The following PTPRD variants were observed in gnomAD, a reference collection of about 807,000 sequenced individuals.
The protein encoded by PTPRD is protein tyrosine phosphatase receptor type D, also known as receptor-type tyrosine-protein phosphatase delta.
Under a neutral mutation model 214.5 loss-of-function variants are expected in PTPRD, and 34 were observed. The ratio of observed to expected loss-of-function variants is 0.16; its 90% CI spans 0.12 to 0.21. The LOEUF is 0.21. Among genes scored for constraint, PTPRD ranks in the 10% least tolerant of loss-of-function variants. The probability of loss-of-function intolerance (pLI) is 1.00; values close to 1 mark genes in which losing one functional copy is unlikely to be tolerated. For synonymous variants in PTPRD, 1,128 were observed against 845.7 expected (o/e 1.33, Z -5.79); for missense variants, 2,545 against 2,398.7 (o/e 1.06, Z -1.27).
At chr9:9,675,507 G>C (rs1038362505) in intron 7 of PTPRD, among the ~76,000 whole-genome samples, 8 of 151,606 alleles carry the variant, frequency 5.3e-5, no homozygotes, top group Admixed American at 5.3e-4. Flanking sequence ...AAAAAGGTCA[G>C]ATTTTAAAAG....
chr9:10,549,385 A>C (rs900638879), intron 2 of PTPRD, among the ~76,000 whole-genome samples: 2 of 152,210 alleles, frequency 1.3e-5, no homozygotes, highest in South Asian at 4.1e-4. Context: ...AAAAAAGGAA[A>C]GGGGAAAGTT....
intron 2 of PTPRD, among the ~76,000 whole-genome samples, chr9:10,545,698 A>C (rs899071619): frequency 2.0e-5 from 3 of 152,190 alleles, no homozygotes; most frequent in Non-Finnish European, 2.9e-5. Flanking sequence ...AAGGAAAAAC[A>C]GTTCTGTTGA....
At chr9:9,832,116 A>G (rs1044477820) in intron 5 of PTPRD, among the ~76,000 whole-genome samples, 6 of 152,040 alleles carry the variant, frequency 3.9e-5, no homozygotes, top group Admixed American at 3.9e-4. Flanking sequence ...TATAATCTTG[A>G]AAAATGCATA....
intron 39 of PTPRD, among the ~76,000 whole-genome samples, chr9:8,345,142 C>CCTTA (rs1856372227): frequency 6.6e-6 from 1 of 152,006 alleles, no homozygotes; most frequent in Non-Finnish European, 1.5e-5. Flanking sequence ...ACCTGAGGAG[C>CCTTA]TTTCTGCGTT....
chr9:10,456,306 T>C (rs974633132), intron 2 of PTPRD, among the ~76,000 whole-genome samples: 1 of 151,936 alleles, frequency 6.6e-6, no homozygotes, highest in Admixed American at 6.6e-5. Context: ...ATAATAATTT[T>C]TGAAGCTCCA....
chr9:9,694,489 G>T (rs1297713131), intron 7 of PTPRD, among the ~76,000 whole-genome samples: 2 of 151,950 alleles, frequency 1.3e-5, no homozygotes, highest in African/African-American at 4.8e-5. Context: ...CCACCACCAG[G>T]ACTGTGCTGG....
intron 8 of PTPRD, among the ~76,000 whole-genome samples, chr9:9,485,876 G>A (rs1156256437): frequency 6.6e-6 from 1 of 151,962 alleles, no homozygotes; most frequent in Non-Finnish European, 1.5e-5. Context: ...CCTTGGGCCG[G>A]GTGGGGTGGC....
At chr9:9,618,106 A>AAAAAAAAAAAAAAAAATT (rs1554714393) in intron 7 of PTPRD, among the ~76,000 whole-genome samples, 1 of 110,380 alleles carries the variant, frequency 9.1e-6, no homozygotes, top group Non-Finnish European at 1.9e-5. Flanking sequence ...AAAAAAAAAG[A>AAAAAAAAAAAAAAAAATT]TTTTGTCTTC....
intron 9 of PTPRD, among the ~76,000 whole-genome samples, chr9:9,214,265 C>T (rs943942168): frequency 4.6e-5 from 7 of 152,184 alleles, no homozygotes; most frequent in Non-Finnish European, 1.0e-4. Context: ...CTAGTGTGTT[C>T]CCCGATATGG....
chr9:8,401,296 C>G (rs1031938566), intron 36 of PTPRD, among the ~76,000 whole-genome samples: 10 of 152,004 alleles, frequency 6.6e-5, no homozygotes, highest in African/African-American at 2.4e-4. Context: ...TCCTGAGTAG[C>G]TGGGACTACA....
intron 11 of PTPRD, among the ~76,000 whole-genome samples, chr9:8,867,664 C>G (rs2098222617): frequency 6.6e-6 from 1 of 152,204 alleles, no homozygotes; most frequent in Non-Finnish European, 1.5e-5. Context: ...GAAATTAGAG[C>G]AAATGCTGAA....
rs377218697 is a variant in PTPRD at position 8,754,296 on chromosome 9, G to T, written c.-103-20350C>A. On this transcript the variant is annotated intron_variant, in intron 11 of 45. Transcript: ENST00000381196. ...AAGAAAATGCAAAAACACAAGAATAGCCAAGACAATCTTATAGAAAAACAA... is the reference window on the plus strand; with the variant it reads ...AAGAAAATGCAAAAACACAAGAATATCCAAGACAATCTTATAGAAAAACAA... Among the ~76,000 whole-genome samples the T allele has an allele frequency of 2.0e-5, 3 of 152,190 alleles. No homozygotes were observed. The East Asian group carries it at 5.8e-4, about 29-fold the overall frequency.
intron 3 of PTPRD, among the ~76,000 whole-genome samples, chr9:10,106,888 C>A (rs1441790594): frequency 6.6e-6 from 1 of 151,816 alleles, no homozygotes; most frequent in Non-Finnish European, 1.5e-5. Flanking sequence ...GTGAAAGCTA[C>A]TGCCAAAGTT....
Position 8,373,828 on chromosome 9 carries a change from GTA to G in PTPRD, c.4661+2106_4661+2107del, listed in dbSNP as rs3042101. ...ATTATGTATGTATGTATGTATGTAT[GTA>G]TGTATGTATGTATGTATGTGTATGT... On this transcript the variant is annotated intron_variant, in intron 39 of 45. Transcript: ENST00000381196. Among the ~76,000 whole-genome samples, 860 of 116,180 alleles carry G rather than the reference GTA, an allele frequency of 7.4e-3. 17 individuals carry two copies. Among genetic ancestry groups the G allele is most frequent in the Admixed American group, 0.022 (262 of 11,890 alleles). The allele number at this position is 116,180 out of a possible 152,430, so 76.2% of individuals were successfully genotyped here. A position where few individuals can be genotyped will look rare whatever the true frequency, so the allele number is the denominator to read the frequency against.
intron 8 of PTPRD, among the ~76,000 whole-genome samples, chr9:9,499,792 A>C (rs1055451998): frequency 2.0e-5 from 3 of 152,114 alleles, no homozygotes; most frequent in Admixed American, 1.3e-4. Flanking sequence ...AACCAAAAAC[A>C]GTGCCTGATT....
intron 3 of PTPRD, among the ~76,000 whole-genome samples, chr9:10,270,897 C>G (rs969401747): frequency 6.6e-6 from 1 of 152,026 alleles, no homozygotes; most frequent in African/African-American, 2.4e-5. Context: ...GTGGTGCAAT[C>G]ATAGCTCACT....
intron 11 of PTPRD, among the ~76,000 whole-genome samples, chr9:8,842,770 C>G (rs564415999): frequency 6.6e-6 from 1 of 152,246 alleles, no homozygotes; most frequent in East Asian, 1.9e-4. Flanking sequence ...TGATCTGTGA[C>G]AAAATTCAAA....
At chr9:10,526,074 G>C (rs1032645010) in intron 2 of PTPRD, among the ~76,000 whole-genome samples, 1 of 152,066 alleles carries the variant, frequency 6.6e-6, no homozygotes, top group African/African-American at 2.4e-5. Flanking sequence ...ATTAAGCAGT[G>C]AAGATTAGAA....
chr9:10,324,956 T>C (rs1264228161), intron 3 of PTPRD, among the ~76,000 whole-genome samples: 1 of 152,026 alleles, frequency 6.6e-6, no homozygotes, highest in African/African-American at 2.4e-5. Flanking sequence ...TAATGTACTT[T>C]CCTATACTTT....
Sources: gnomAD v4.1 joint callset for allele counts (sites outside exome capture counted in the v4.1 genomes callset) on GRCh38, gnomAD v4.1.1 for gene constraint, MANE v1.5 for transcripts, NCBI Gene and HGNC (gene_info 2026-07-23, HGNC 2026-07-21) for gene names.